Variants in DOCK1 observed in about 807,000 individuals in gnomAD.
The protein encoded by DOCK1 is dedicator of cytokinesis protein 1.
DOCK1 carries 138 observed loss-of-function variants against 262.7 expected under a neutral mutation model. The observed-to-expected ratio is 0.53, with a 90% CI of 0.46 to 0.61. DOCK1 has a LOEUF of 0.61. Among genes scored for constraint, DOCK1 ranks in the 20% least tolerant of loss-of-function variants. The pLI is 0.00. For synonymous variants in DOCK1, 866 were observed against 867.4 expected, an observed-to-expected ratio of 1.00 and a Z score of 0.03; for missense variants, 1,908 against 2,370.7, an observed-to-expected ratio of 0.80 and a Z score of 4.05.
chr10:127,284,676 C>T (rs561327034), intron 29 of DOCK1, among the ~76,000 whole-genome samples: 1 of 152,156 alleles, frequency 6.6e-6, no homozygotes. Context: ...CACTTGAGGG[C>T]AGGATTTCGA....
At chr10:126,927,960 G>A (rs2033886400) in intron 1 of DOCK1, among the ~76,000 whole-genome samples, 1 of 152,118 alleles carries the variant, frequency 6.6e-6, no homozygotes, top group Non-Finnish European at 1.5e-5. Context: ...TGCAGGTGAG[G>A]GGCACCTACC....
chr10:126,981,394 G>T (rs1178891488), intron 3 of DOCK1, among the ~76,000 whole-genome samples: 2 of 152,216 alleles, frequency 1.3e-5, no homozygotes, highest in Non-Finnish European at 2.9e-5. Flanking sequence ...GGAAGCTAGG[G>T]TGTACCCCCA....
chr10:127,444,322 G>C (rs373904481), intron 50 of DOCK1, 43 bp downstream of exon 50: 481 of 1,540,632 alleles, frequency 3.1e-4, no homozygotes, highest in Non-Finnish European at 4.1e-4. Flanking sequence ...CTATAGCTCC[G>C]TGACTTCCCC....
At chr10:127,214,670 T>G (rs902838076) in intron 27 of DOCK1, among the ~76,000 whole-genome samples, 1 of 152,168 alleles carries the variant, frequency 6.6e-6, no homozygotes, top group African/African-American at 2.4e-5. Context: ...CAGGCACACC[T>G]GCGGGAGAGC....
At chr10:127,092,316 C>T (rs2047584819) in intron 23 of DOCK1, among the ~76,000 whole-genome samples, 1 of 152,188 alleles carries the variant, frequency 6.6e-6, no homozygotes, top group African/African-American at 2.4e-5. Flanking sequence ...AGTCCTGGCT[C>T]TGTCATCGCT....
intron 25 of DOCK1, among the ~76,000 whole-genome samples, chr10:127,120,692 A>G (rs2049504255): frequency 6.6e-6 from 1 of 152,236 alleles, no homozygotes; most frequent in Admixed American, 6.5e-5. Flanking sequence ...GTTTCTAACA[A>G]GTAAATCAAG....
At chr10:127,253,177 C>T (rs1263219425) in intron 28 of DOCK1, among the ~76,000 whole-genome samples, 1 of 152,234 alleles carries the variant, frequency 6.6e-6, no homozygotes, top group Admixed American at 6.5e-5. Context: ...CTGCTGGCTG[C>T]CACGTGTCCA....
rs962772004 is a variant in DOCK1, at chr10:127,437,907, G to A, written c.5061-1120G>A. On this transcript the variant is annotated intron_variant, in intron 48 of 51. Transcript: ENST00000623213. This position sits in a 1 kb window ranked among gnomAD's most constrained non-coding sequence, Gnocchi z 4.4. ...CTAAATTATCTTCTCTTGAAATCAT[G>A]CTCCCCTTGAAGAAGCCAATTGCTT... Among the ~76,000 whole-genome samples, 1 of 152,208 alleles carries A rather than the reference G, an allele frequency of 6.6e-6. No individual in the cohort carries two copies. Among genetic ancestry groups the A allele is most frequent in the African/African-American group, 2.4e-5 (1 of 41,462 alleles).
At chr10:127,321,425 TTC>T (rs1379072099) in intron 29 of DOCK1, among the ~76,000 whole-genome samples, 1 of 149,140 alleles carries the variant, frequency 6.7e-6, no homozygotes, top group Non-Finnish European at 1.5e-5. Flanking sequence ...TTTCTCAGCC[TTC>T]TTTTTTAGGT....
At chr10:127,101,700 G>C (rs1035515611) in intron 23 of DOCK1, among the ~76,000 whole-genome samples, 1 of 152,190 alleles carries the variant, frequency 6.6e-6, no homozygotes, top group African/African-American at 2.4e-5. Flanking sequence ...CAGCCCAAGG[G>C]GAGCCAGCAG....
At position 127,392,522 on chromosome 10, in the gene DOCK1, C is replaced by T. The variant is rs142994905; in HGVS notation, c.3927+7613C>T. The stretch of plus-strand genomic sequence containing the variant: ...CAGCCAGGTCCCAGACACCCCCTGC[C>T]CACACACATACACAGGCACGGGGCT... On this transcript the variant is annotated intron_variant, in intron 38 of 51. Transcript: ENST00000623213. Among the ~76,000 whole-genome samples, 551 of 152,260 alleles carry T rather than the reference C, an allele frequency of 3.6e-3. 2 individuals carry two copies. Among genetic ancestry groups the T allele is most frequent in the African/African-American group, 0.013 (521 of 41,538 alleles).
At chr10:127,143,211 C>T (rs2051446062) in intron 27 of DOCK1, among the ~76,000 whole-genome samples, 1 of 152,160 alleles carries the variant, frequency 6.6e-6, no homozygotes, top group South Asian at 2.1e-4. Context: ...CCATGTGTAA[C>T]AGTTAAGAGT....
chr10:126,996,025 T>C (rs867040424), intron 6 of DOCK1, among the ~76,000 whole-genome samples: 5 of 152,214 alleles, frequency 3.3e-5, no homozygotes, highest in Middle Eastern at 3.4e-3. Flanking sequence ...GCTATGTGTT[T>C]GGGTTGATGG....
At chr10:127,269,763 G>A (rs2060493880) in intron 29 of DOCK1, among the ~76,000 whole-genome samples, 2 of 152,210 alleles carry the variant, frequency 1.3e-5, no homozygotes, top group Admixed American at 1.3e-4. Context: ...CGGGCCCCCT[G>A]TGTGAGTAGC....
At chr10:126,947,374 G>T (rs1326616097) in intron 1 of DOCK1, among the ~76,000 whole-genome samples, 2 of 120,898 alleles carry the variant, frequency 1.7e-5, no homozygotes, top group Non-Finnish European at 3.5e-5. Context: ...ATTACTGTTG[G>T]TGGTGATGGT....
chr10:127,347,138 C>T (rs970445065), intron 31 of DOCK1, among the ~76,000 whole-genome samples: 12 of 152,342 alleles, frequency 7.9e-5, no homozygotes, highest in Middle Eastern at 3.4e-3. Flanking sequence ...AAATACATGA[C>T]GATGTCCTAC....
rs565362520 is a variant in DOCK1, at chr10:127,230,644, C to G, written c.2848-17364C>G. 3.5e-3 allele frequency among the ~76,000 whole-genome samples: 535 copies of G among 152,168 alleles called. 6 individuals are homozygous for G. Among genetic ancestry groups the G allele is most frequent in the African/African-American group, 0.012 (507 of 41,522 alleles). On this transcript the variant is annotated intron_variant, in intron 27 of 51. Transcript: ENST00000623213. ...GATGAGTCTGTTTTTATGGCCAGCACTATATTGTTTTGATTACTATAGCTT... is the reference window on the plus strand; with the variant it reads ...GATGAGTCTGTTTTTATGGCCAGCAGTATATTGTTTTGATTACTATAGCTT...
intron 19 of DOCK1, among the ~76,000 whole-genome samples, chr10:127,040,073 G>A (rs1397482957): frequency 6.6e-6 from 1 of 152,156 alleles, no homozygotes. Context: ...CATGTGTCTG[G>A]GTGGGACCAG....
intron 18 of DOCK1, among the ~76,000 whole-genome samples, chr10:127,033,018 A>G (rs536267545): frequency 5.6e-4 from 86 of 152,306 alleles, no homozygotes; most frequent in Non-Finnish European, 1.5e-4. Context: ...GATGCCCTTC[A>G]ACAAGTCTTC....
Sources: allele counts gnomAD v4.1 joint callset (sites outside exome capture counted in the v4.1 genomes callset), GRCh38; gene constraint gnomAD v4.1.1; non-coding constraint Gnocchi (gnomAD v3.1); transcripts MANE v1.5; gene names NCBI Gene and HGNC (gene_info 2026-07-23, HGNC 2026-07-21).